Variants in MTNR1A observed in about 807,000 individuals in gnomAD.
MTNR1A encodes the protein melatonin receptor type 1A.
A neutral mutation model predicts 5.5 loss-of-function variants in MTNR1A; 7 were observed. That is an observed-to-expected ratio of 1.28 (90% CI 0.73 to 2.40). The LOEUF (loss-of-function observed/expected upper bound fraction) is 2.40. Ranked by LOEUF, MTNR1A falls within the 30% of genes most tolerant of loss-of-function variation. The pLI, the probability that MTNR1A is intolerant of heterozygous loss-of-function variation, is 0.00. For synonymous variants in MTNR1A, 196 were observed against 202.7 expected (o/e 0.97, Z 0.28); for missense variants, 441 against 464.4 (o/e 0.95, Z 0.46).
intron 1 of MTNR1A, among the ~76,000 whole-genome samples, chr4:186,552,384 G>A (rs1471499663): frequency 1.3e-5 from 2 of 152,148 alleles, no homozygotes; most frequent in African/African-American, 2.4e-5. Context: ...TTTATTGGCT[G>A]TACTCTACCT....
chr4:186,553,367 G>A (rs985315074), intron 1 of MTNR1A, among the ~76,000 whole-genome samples: 1 of 152,170 alleles, frequency 6.6e-6, no homozygotes, highest in African/African-American at 2.4e-5. Flanking sequence ...AGGTCACTAA[G>A]GGTCTCCCAT....
Position 186,555,543 on chromosome 4 carries a change from C to T in MTNR1A, c.-178G>A. On this transcript the variant is annotated 5_prime_UTR_variant, in exon 1 of 2. Coordinates refer to ENST00000307161, the MANE Select transcript of MTNR1A (RefSeq NM_005958.4). The surrounding 1 kb of genome is among the most constrained non-coding windows in gnomAD (Gnocchi z 4.1). ...GCCACGGCCAGGTGACACCTGGTGT[C>T]CGCCGCGAGCCCGCTTGGATTCCCC... is the stretch of plus-strand genomic sequence containing the variant. 2 of 346,464 alleles carry T rather than the reference C, an allele frequency of 5.8e-6. No individual in the cohort carries two copies. The highest frequency in any genetic ancestry group is 9.6e-6 in the Non-Finnish European group (2 of 207,870). 21.5% of individuals were successfully genotyped at this position (346,464 alleles called of 1,614,324 possible).
intron 1 of MTNR1A, among the ~76,000 whole-genome samples, chr4:186,546,733 A>C (rs1408576048): frequency 7.6e-6 from 1 of 131,288 alleles, no homozygotes; most frequent in African/African-American, 3.0e-5. Context: ...CACCCTGTTC[A>C]TACAACACAC....
rs1737085548 is a variant in MTNR1A at position 186,544,104 on chromosome 4, C to T, written c.185-9547G>A. Among the ~76,000 whole-genome samples, 4 of 152,124 alleles carry T rather than the reference C, an allele frequency of 2.6e-5. No homozygotes were observed. The South Asian group carries it at 8.3e-4, about 32-fold the overall frequency. On this transcript the variant is annotated intron_variant, in intron 1 of 1. Coordinates refer to ENST00000307161, the MANE Select transcript of MTNR1A (RefSeq NM_005958.4). ...GCTCCCTGCAACCTCTGCCGTCCCC[C>T]ACCCCCACTGGGTTCAAGCAATTCT...
intron 1 of MTNR1A, among the ~76,000 whole-genome samples, chr4:186,550,246 C>T (rs1363587431): frequency 6.6e-6 from 1 of 152,164 alleles, no homozygotes; most frequent in African/African-American, 2.4e-5. Flanking sequence ...GCAGAGATGG[C>T]ACCAATGATA....
At chr4:186,537,700 A>G (rs1736892371) in intron 1 of MTNR1A, among the ~76,000 whole-genome samples, 1 of 152,216 alleles carries the variant, frequency 6.6e-6, no homozygotes. Context: ...GATTATACCA[A>G]TGCTATGAAC....
intron 1 of MTNR1A, among the ~76,000 whole-genome samples, chr4:186,544,816 G>A (rs188561278): frequency 3.9e-5 from 6 of 152,282 alleles, no homozygotes; most frequent in Non-Finnish European, 7.4e-5. Context: ...TGTCGTAGAC[G>A]CTGCTGGCGC....
In MTNR1A at chr4:186,555,142, G is replaced by T; in HGVS notation, c.184+40C>A. Reference sequence around the variant, plus strand: ...CTGGCTGCCCGCGGAGAGGCGCTGCGTCCGGAGCGCTGGCCCAGGGGAGGC... The same window carrying T: ...CTGGCTGCCCGCGGAGAGGCGCTGCTTCCGGAGCGCTGGCCCAGGGGAGGC... On this transcript the variant is annotated intron_variant, in intron 1 of 1. Coordinates refer to ENST00000307161, the MANE Select transcript of MTNR1A (RefSeq NM_005958.4). The surrounding 1 kb of genome is among the most constrained non-coding windows in gnomAD (Gnocchi z 4.1). 4 of 1,565,174 alleles carry T rather than the reference G, an allele frequency of 2.6e-6. No individual in the cohort carries two copies. The highest frequency in any genetic ancestry group is 2.3e-5 in the East Asian group (1 of 42,646).
At chr4:186,540,769 T>G in intron 1 of MTNR1A, among the ~76,000 whole-genome samples, 1 of 152,148 alleles carries the variant, frequency 6.6e-6, no homozygotes, top group East Asian at 1.9e-4. Context: ...AAGGACCAGG[T>G]GCTGTCTGAC....
chr4:186,540,417 C>T (rs1736984391), intron 1 of MTNR1A, among the ~76,000 whole-genome samples: 1 of 152,234 alleles, frequency 6.6e-6, no homozygotes, highest in Non-Finnish European at 1.5e-5. Flanking sequence ...GGAGGGACCA[C>T]TGCATGTTAA....
intron 1 of MTNR1A, among the ~76,000 whole-genome samples, chr4:186,547,200 A>G (rs113261495): frequency 1.2e-4 from 7 of 56,008 alleles, no homozygotes; most frequent in South Asian, 2.0e-3. Flanking sequence ...CACCCTGTTC[A>G]TGGGACACAC....
At chr4:186,535,711 A>G (rs915842525) in intron 1 of MTNR1A, among the ~76,000 whole-genome samples, 1 of 152,176 alleles carries the variant, frequency 6.6e-6, no homozygotes, top group Non-Finnish European at 1.5e-5. Context: ...GCTCCCAGCT[A>G]CATTAGTCAA....
chr4:186,546,189 T>C (rs185511048), intron 1 of MTNR1A, among the ~76,000 whole-genome samples: 176 of 152,226 alleles, frequency 1.2e-3, no homozygotes, highest in African/African-American at 3.5e-3. Flanking sequence ...CATGTCTTAT[T>C]TCTGTTCCCC....
At chr4:186,550,098 A>T (rs1737237170) in intron 1 of MTNR1A, among the ~76,000 whole-genome samples, 1 of 152,232 alleles carries the variant, frequency 6.6e-6, no homozygotes, top group Non-Finnish European at 1.5e-5. Flanking sequence ...CAGAGAATCC[A>T]GCAGTTTATT....
intron 1 of MTNR1A, among the ~76,000 whole-genome samples, chr4:186,535,690 T>C (rs1579244559): frequency 6.6e-6 from 1 of 152,184 alleles, no homozygotes; most frequent in Non-Finnish European, 1.5e-5. Context: ...GGATGGCAGG[T>C]GTGAGCCATT....
rs2126310064 is a variant in MTNR1A at position 186,555,081 on chromosome 4, A to C, written c.184+101T>G. Reference sequence around the variant, plus strand: ...ACAGGAAAAATAACTCCAAGTCCGCAGTGTTTAGGAAAAAGAACCAAGTGC... The same window carrying C: ...ACAGGAAAAATAACTCCAAGTCCGCCGTGTTTAGGAAAAAGAACCAAGTGC... On this transcript the variant is annotated intron_variant, in intron 1 of 1. Transcript: ENST00000307161. The surrounding 1 kb of genome is among the most constrained non-coding windows in gnomAD (Gnocchi z 4.1). 1.6e-6 allele frequency: 2 copies of C among 1,257,952 alleles called. No individual in the cohort carries two copies. Among genetic ancestry groups the C allele is most frequent in the Middle Eastern group, 2.6e-4 (1 of 3,808 alleles). 77.9% of individuals were successfully genotyped at this position (1,257,952 alleles called of 1,614,324 possible).
At chr4:186,553,916 A>G (rs1737314340) in intron 1 of MTNR1A, among the ~76,000 whole-genome samples, 1 of 152,134 alleles carries the variant, frequency 6.6e-6, no homozygotes, top group South Asian at 2.1e-4. Flanking sequence ...TGGGAATTCA[A>G]CCGGGCTCAC....
intron 1 of MTNR1A, among the ~76,000 whole-genome samples, chr4:186,551,110 CA>C (rs1737259024): frequency 1.3e-5 from 2 of 152,186 alleles, no homozygotes; most frequent in East Asian, 3.9e-4. Context: ...AGCTTGAAAT[CA>C]TTTTCCAAGT....
intron 1 of MTNR1A, among the ~76,000 whole-genome samples, chr4:186,541,475 G>A (rs910975755): frequency 3.3e-5 from 5 of 151,196 alleles, no homozygotes; most frequent in South Asian, 2.2e-4. Context: ...GGTTGGAGAC[G>A]GCTGATCTAG....
Sources: allele counts gnomAD v4.1 joint callset (sites outside exome capture counted in the v4.1 genomes callset), GRCh38; gene constraint gnomAD v4.1.1; non-coding constraint Gnocchi (gnomAD v3.1); transcripts MANE v1.5; gene names NCBI Gene and HGNC (gene_info 2026-07-23, HGNC 2026-07-21).